The following STAU2 variants were observed in gnomAD, a reference collection of about 807,000 sequenced individuals.
The protein encoded by STAU2 is staufen double-stranded RNA binding protein 2.
Under a neutral mutation model 65.9 loss-of-function variants are expected in STAU2, and 20 were observed. That is an observed-to-expected ratio of 0.30 (90% CI 0.21 to 0.44). The LOEUF (loss-of-function observed/expected upper bound fraction) is 0.44, where lower values mean the gene tolerates loss of function less well. STAU2 is among the 20% of genes least tolerant of loss of function. The pLI is 1.00. For missense variants in STAU2, 558 were observed against 683.9 expected (o/e 0.82, Z 2.05); for synonymous variants, 232 against 233.9 (o/e 0.99, Z 0.07).
chr8:73,617,284 C>A lies in STAU2; in HGVS notation c.570+8G>T. ...AAGAACAGACTGTCACATGCAGCAG[C>A]ACCACACCTGAGGAGATCTTTCTGG... On this transcript the variant is annotated splice_region_variant and intron_variant, in intron 7 of 14. Coordinates refer to ENST00000524300, the MANE Select transcript of STAU2 (RefSeq NM_001164380.2). The A allele has an allele frequency of 1.2e-6, 2 of 1,613,498 alleles. No individual in the cohort carries two copies. Among genetic ancestry groups the A allele is most frequent in the Non-Finnish European group, 8.5e-7 (1 of 1,179,770 alleles).
chr8:73,433,503 CTT>C (rs34174316), intron 13 of STAU2, among the ~76,000 whole-genome samples: 112 of 126,580 alleles, frequency 8.8e-4, no homozygotes, highest in Non-Finnish European at 9.0e-4. Flanking sequence ...CACGCCCCGC[CTT>C]TTTTTTTTTT....
intron 9 of STAU2, among the ~76,000 whole-genome samples, chr8:73,611,371 G>A (rs993551666): frequency 1.3e-5 from 2 of 152,090 alleles, no homozygotes; most frequent in East Asian, 3.9e-4. Flanking sequence ...AATGCAGGAG[G>A]CTAACCTAGT....
chr8:73,515,990 G>C (rs1394768680), intron 13 of STAU2, among the ~76,000 whole-genome samples: 1 of 149,020 alleles, frequency 6.7e-6, no homozygotes, highest in Non-Finnish European at 1.5e-5. Context: ...TTGGAGTGCA[G>C]TGATGTGATC....
Position 73,679,978 on chromosome 8 carries a change from A to ATTT in STAU2, c.275-6739_275-6737dup, listed in dbSNP as rs1160379353. Reference sequence around the variant, plus strand: ...GACACTCCCAGTCCCTAGGGAAGCCATTTTTTTTTTTTTTTTTTTTTTTTT... The same window carrying ATTT: ...GACACTCCCAGTCCCTAGGGAAGCCATTTTTTTTTTTTTTTTTTTTTTTTTTTT... On this transcript the variant is annotated intron_variant, in intron 5 of 14. Coordinates refer to ENST00000524300, the MANE Select transcript of STAU2 (RefSeq NM_001164380.2). Among the ~76,000 whole-genome samples, 273 of 81,388 alleles carry ATTT rather than the reference A, an allele frequency of 3.4e-3. 14 individuals carry two copies. Among genetic ancestry groups the ATTT allele is most frequent in the East Asian group, 0.018 (36 of 2,054 alleles). 53.4% of individuals were successfully genotyped at this position (81,388 alleles called of 152,430 possible). A position where few individuals can be genotyped will look rare whatever the true frequency, so the allele number is the denominator to read the frequency against.
chr8:73,522,087 GT>G (rs1215224734), intron 13 of STAU2, among the ~76,000 whole-genome samples: 1 of 152,114 alleles, frequency 6.6e-6, no homozygotes, highest in Non-Finnish European at 1.5e-5. Context: ...AAGCTATAGT[GT>G]TTTTACTAAG....
At chr8:73,716,325 G>C (rs57964891) in intron 3 of STAU2, among the ~76,000 whole-genome samples, 31,001 of 152,020 alleles carry the variant, frequency 0.2, 3,537 homozygotes, top group East Asian at 0.37. Flanking sequence ...CCTGACCCCA[G>C]GTGATCCACC....
chr8:73,524,930 C>T (rs1823263553), intron 13 of STAU2, among the ~76,000 whole-genome samples: 1 of 152,142 alleles, frequency 6.6e-6, no homozygotes, highest in African/African-American at 2.4e-5. Flanking sequence ...GACAGACCCT[C>T]AGGTTGGGGA....
At position 73,657,782 on chromosome 8, in the gene STAU2, G is replaced by A. The variant is rs192543034; in HGVS notation, c.410+15325C>T. Among the ~76,000 whole-genome samples the A allele has an allele frequency of 2.0e-4, 31 of 152,218 alleles. No individual in the cohort carries two copies. In the East Asian group the frequency reaches 6.0e-3, roughly 29 times the overall value. ...TAATCCCAGCACTTTGGGAGGCCGA[G>A]GTAGGCAGATCACCTGAGGTCAGGA... On this transcript the variant is annotated intron_variant, in intron 6 of 14. Transcript: ENST00000524300.
chr8:73,599,513 G>C (rs969655756), intron 10 of STAU2, among the ~76,000 whole-genome samples: 1 of 152,092 alleles, frequency 6.6e-6, no homozygotes, highest in Non-Finnish European at 1.5e-5. Flanking sequence ...TTAAAAAAAA[G>C]TTAGAAAGTT....
intron 1 of STAU2, among the ~76,000 whole-genome samples, chr8:73,746,366 C>T (rs553043758): frequency 6.6e-6 from 1 of 151,918 alleles, no homozygotes; most frequent in South Asian, 2.1e-4. Flanking sequence ...CTGCACTCGC[C>T]GTCCTCTCTT....
chr8:73,664,336 T>A (rs1411254905), intron 6 of STAU2, among the ~76,000 whole-genome samples: 3 of 152,236 alleles, frequency 2.0e-5, no homozygotes, highest in African/African-American at 7.2e-5. Flanking sequence ...AAGTATAATG[T>A]TGAACAGAAG....
At chr8:73,741,977 A>T (rs1806916271) in intron 1 of STAU2, among the ~76,000 whole-genome samples, 1 of 152,266 alleles carries the variant, frequency 6.6e-6, no homozygotes, top group Non-Finnish European at 1.5e-5. Flanking sequence ...TGTCTATAAC[A>T]GCACTCTGTA....
chr8:73,458,817 G>C (rs1819202447), intron 13 of STAU2: 1 of 152,272 alleles, frequency 6.6e-6, no homozygotes, highest in African/African-American at 2.4e-5. Context: ...ATGCTGGTCA[G>C]TGGGTGGGTG....
At chr8:73,693,474 C>CAAAAA (rs57858834) in intron 4 of STAU2, among the ~76,000 whole-genome samples, 4 of 68,442 alleles carry the variant, frequency 5.8e-5, no homozygotes, top group Non-Finnish European at 9.2e-5. Context: ...GACTCCGTCT[C>CAAAAA]AAAAAAAAAA....
chr8:73,726,778 T>C (rs1275720420), intron 3 of STAU2, among the ~76,000 whole-genome samples: 1 of 152,250 alleles, frequency 6.6e-6, no homozygotes, highest in Non-Finnish European at 1.5e-5. Flanking sequence ...GAACTGTTTC[T>C]ATATCTTTGT....
chr8:73,472,873 A>T (rs969937983), intron 13 of STAU2, among the ~76,000 whole-genome samples: 1 of 152,236 alleles, frequency 6.6e-6, no homozygotes, highest in Non-Finnish European at 1.5e-5. Flanking sequence ...AAGTGAGAGC[A>T]AGTCAATGAA....
At chr8:73,474,734 C>G (rs1404683990) in intron 13 of STAU2, among the ~76,000 whole-genome samples, 1 of 152,008 alleles carries the variant, frequency 6.6e-6, no homozygotes, top group Admixed American at 6.6e-5. Flanking sequence ...ATTTAATGTT[C>G]CAACAGACAA....
At chr8:73,634,858 C>A (rs1814375579) in intron 6 of STAU2, among the ~76,000 whole-genome samples, 1 of 152,166 alleles carries the variant, frequency 6.6e-6, no homozygotes, top group African/African-American at 2.4e-5. Context: ...ATTGTGATTC[C>A]CATCCTTTTA....
chr8:73,530,658 G>A (rs1805752417), intron 13 of STAU2, among the ~76,000 whole-genome samples: 1 of 152,162 alleles, frequency 6.6e-6, no homozygotes, highest in African/African-American at 2.4e-5. Context: ...TGGCAGTTTA[G>A]AAGCACATGA....
Sources: gnomAD v4.1 joint callset for allele counts (sites outside exome capture counted in the v4.1 genomes callset) on GRCh38, gnomAD v4.1.1 for gene constraint, MANE v1.5 for transcripts, NCBI Gene and HGNC (gene_info 2026-07-23, HGNC 2026-07-21) for gene names.